ISYNA1: variants seen among roughly 807,000 people sequenced by gnomAD.
ISYNA1 encodes inositol-3-phosphate synthase 1.
ISYNA1 carries 34 observed loss-of-function variants against 50.3 expected under a neutral mutation model. That is an observed-to-expected ratio of 0.68 (90% CI 0.51 to 0.90). The LOEUF is 0.90. Ranked by LOEUF, ISYNA1 falls within the 40% of genes least tolerant of loss-of-function variation. ISYNA1 has a pLI of 0.00. For synonymous variants in ISYNA1, 396 were observed against 349.9 expected (o/e 1.13, Z -1.47); for missense variants, 718 against 784.8 (o/e 0.91, Z 1.02).
At position 18,434,791 on chromosome 19, in the gene ISYNA1, G is replaced by A. The variant is rs1334901368; in HGVS notation, c.*122C>T. The A allele has an allele frequency of 7.3e-6, 6 of 821,696 alleles. No individual in the cohort carries two copies. In the East Asian group the frequency reaches 7.4e-5, roughly 10 times the overall value. 50.9% of individuals were successfully genotyped at this position (821,696 alleles called of 1,614,324 possible). ...TAGAGGGAGGCAGAGTCAGGTCACA[G>A]GCCCCAAGAACCCCAGGTGGAAGGA... On this transcript the variant is annotated 3_prime_UTR_variant, in exon 11 of 11. Coordinates refer to ENST00000338128, the MANE Select transcript of ISYNA1 (RefSeq NM_016368.5).
rs1400594362 is a variant in ISYNA1 at position 18,434,451 on chromosome 19, C to T, written c.*462G>A. 1.0e-6 allele frequency: 1 copy of T among 997,682 alleles called. No homozygotes were observed. Among genetic ancestry groups the T allele is most frequent in the Non-Finnish European group, 1.4e-6 (1 of 736,468 alleles). 61.8% of individuals were successfully genotyped at this position (997,682 alleles called of 1,614,324 possible). ...GACGTTCTTTTCTGTATGGACCCTT[C>T]CTGCCATTTGTATTTTGTCCCAGAG... is the stretch of plus-strand genomic sequence containing the variant. On this transcript the variant is annotated 3_prime_UTR_variant, in exon 11 of 11. Coordinates refer to ENST00000338128, the MANE Select transcript of ISYNA1 (RefSeq NM_016368.5).
In ISYNA1 at chr19:18,435,059, G is replaced by GGC; in HGVS notation, c.1529_1530dup (p.Pro511AlafsTer19). The GGC allele has an allele frequency of 6.2e-7, 1 of 1,613,626 alleles. No homozygotes were observed. The highest frequency in any genetic ancestry group is 8.5e-7 in the Non-Finnish European group (1 of 1,180,000). On this transcript the variant is annotated frameshift_variant, in exon 11 of 11. Transcript: ENST00000338128. LOFTEE classifies it low-confidence loss of function (END_TRUNC). ...CCAACTCGCTTGAGGCTGGGCCCTGGGCGCTCCATTTTGTGTTCCAGGAGC... is the reference window on the plus strand; with the variant it reads ...CCAACTCGCTTGAGGCTGGGCCCTGGGCGCGCTCCATTTTGTGTTCCAGGAGC...
Position 18,438,100 on chromosome 19 carries a change from G to A in ISYNA1, c.-17C>T, listed in dbSNP as rs537821634. The A allele has an allele frequency of 4.5e-6, 5 of 1,102,578 alleles. No homozygotes were observed. Among genetic ancestry groups the A allele is most frequent in the Admixed American group, 7.3e-5 (2 of 27,368 alleles). The allele number at this position is 1,102,578 out of a possible 1,614,324, so 68.3% of individuals were successfully genotyped here. On this transcript the variant is annotated 5_prime_UTR_variant, in exon 1 of 11. Coordinates refer to ENST00000338128, the MANE Select transcript of ISYNA1 (RefSeq NM_016368.5). ...GCCCCGAACCGCACTCACCGGCGCAGAGTCGACTCAGGCAGCGGCGGCGGA... is the reference window on the plus strand; with the variant it reads ...GCCCCGAACCGCACTCACCGGCGCAAAGTCGACTCAGGCAGCGGCGGCGGA...
Position 18,435,058 on chromosome 19 carries a change from G to C in ISYNA1, c.1532C>G (p.Pro511Arg). 6.2e-7 allele frequency: 1 copy of C among 1,613,632 alleles called. No individual in the cohort carries two copies. Among genetic ancestry groups the C allele is most frequent in the Non-Finnish European group, 8.5e-7 (1 of 1,180,002 alleles). ...TCCAACTCGCTTGAGGCTGGGCCCT[G>C]GGCGCTCCATTTTGTGTTCCAGGAG... The part of the protein sequence containing the change: ...HMLLEHKMER[P>R]GPSLKRVGPV... The change falls in exon 11 of 11, where the codon CCA becomes CGA. Residue 511 changes from proline to arginine, a missense_variant. Pro to Arg is a moderately radical substitution (Grantham distance 103, BLOSUM62 -2). Around this residue, in one of 3 missense-constraint regions of ISYNA1, gnomAD observed 305 missense variants for 292.6 expected, o/e 1.04. Transcript: ENST00000338128.
chr19:18,434,877 G>A lies in ISYNA1; in HGVS notation c.*36C>T, dbSNP rs1270777907. The A allele has an allele frequency of 3.2e-6, 5 of 1,572,430 alleles. No homozygotes were observed. The highest frequency in any genetic ancestry group is 3.5e-6 in the Non-Finnish European group (4 of 1,144,950). ...TCAAGGTAGGGTCGTGGGGGGCAGC[G>A]GGGAGGAAGAGCCGAGAAACTGTGT... On this transcript the variant is annotated 3_prime_UTR_variant, in exon 11 of 11. Transcript: ENST00000338128.
chr19:18,435,760 G>T lies in ISYNA1; in HGVS notation c.1137C>A (p.His379Gln). The part of the protein sequence containing the change: ...VLYTPGEEPD[H>Q]CVVIKYVPYV... ...CCCGCGCCCGCGCCCCACGCACGCAGTGGTCAGGCTCTTCGCCGGGCGTAT... is the reference window on the plus strand; with the variant it reads ...CCCGCGCCCGCGCCCCACGCACGCATTGGTCAGGCTCTTCGCCGGGCGTAT... The change falls in exon 8 of 11, where the codon CAC becomes CAA. Residue 379 changes from histidine (H) to glutamine (Q), a missense_variant. This residue lies in a region of ISYNA1 where 305 missense variants were observed against 292.6 expected (regional missense o/e 1.04). Transcript: ENST00000338128. The T allele has an allele frequency of 1.2e-6, 2 of 1,612,928 alleles. No individual in the cohort carries two copies. The highest frequency in any genetic ancestry group is 1.7e-6 in the Non-Finnish European group (2 of 1,179,712).
rs149381559 is a variant in ISYNA1 at position 18,436,576 on chromosome 19, T to A, written c.610-97A>T. 66 of 1,596,248 alleles carry A rather than the reference T, an allele frequency of 4.1e-5. No individual in the cohort carries two copies. In the African/African-American group the frequency reaches 8.0e-4, roughly 19 times the overall value. On this transcript the variant is annotated intron_variant, in intron 5 of 10. Transcript: ENST00000338128. ...ACTCACAGAGGCCTGGGCTACTCAG[T>A]TCCCCGGGTGTCAAGTGAGGCCTGG...
In ISYNA1 at chr19:18,438,110, A is replaced by G. The variant is rs1287102207; in HGVS notation, c.-27T>C. ...GCACTCACCGGCGCAGAGTCGACTC[A>G]GGCAGCGGCGGCGGACAGCGCGGGC... On this transcript the variant is annotated 5_prime_UTR_variant, in exon 1 of 11. Transcript: ENST00000338128. The G allele has an allele frequency of 9.8e-7, 1 of 1,018,760 alleles. No homozygotes were observed. 63.1% of individuals were successfully genotyped at this position (1,018,760 alleles called of 1,614,324 possible).
Position 18,435,274 on chromosome 19 carries a change from G to A in ISYNA1, c.1464C>T (p.Asn488=). The A allele has an allele frequency of 6.2e-7, 1 of 1,605,528 alleles. No individual in the cohort carries two copies. Among genetic ancestry groups the A allele is most frequent in the Non-Finnish European group, 8.5e-7 (1 of 1,179,130 alleles). The stretch of plus-strand genomic sequence containing the variant: ...TGGAGGCTGGGGTGCACCTGAGGAT[G>A]TTCTCGATGCAGCTGCGCTGGCGGA... ...ALFRQRSCIE[N]ILRACVGLPP... is the part of the protein sequence containing the mutation. The change falls in exon 10 of 11, where the codon AAC becomes AAT. Residue 488 remains asparagine (N), a synonymous_variant. Coordinates refer to ENST00000338128, the MANE Select transcript of ISYNA1 (RefSeq NM_016368.5).
chr19:18,436,426 G>A lies in ISYNA1; in HGVS notation c.663C>T (p.Asp221=). The A allele has an allele frequency of 6.2e-7, 1 of 1,610,410 alleles. No homozygotes were observed. ...TCGCCGTCCACAGCACTATGACTTT[G>A]TCCAGCCCCGCGCTAGACCGGAAGT... is the stretch of plus-strand genomic sequence containing the variant. The part of the protein sequence containing the change: ...IRDFRSSAGL[D]KVIVLWTANT... The change falls in exon 6 of 11, where the codon GAC becomes GAT. Residue 221 remains aspartate, a synonymous_variant. Coordinates refer to ENST00000338128, the MANE Select transcript of ISYNA1 (RefSeq NM_016368.5).
rs1249800689 is a variant in ISYNA1, at chr19:18,437,665, G to C, written c.216C>G (p.Ser72=). The C allele has an allele frequency of 6.5e-7, 1 of 1,543,338 alleles. No homozygotes were observed. Among genetic ancestry groups the C allele is most frequent in the Non-Finnish European group, 8.7e-7 (1 of 1,148,040 alleles). Residue 72 remains serine (S), a synonymous_variant, in exon 3 of 11, where the codon TCC becomes TCG. Transcript: ENST00000338128. ...TGGCCAGCACCGCGGCGGTGAGTGT[G>C]GAGCCGTTGTTCCCGCCCCAGCCGA... ...MLVGWGGNNG[S]TLTAAVLANR...
intron 3 of ISYNA1, chr19:18,437,306 T>G (rs1031767599): frequency 1.4e-6 from 2 of 1,414,682 alleles, no homozygotes; most frequent in Non-Finnish European, 1.8e-6. Flanking sequence ...CCTGTAAGAC[T>G]CCCGAGGAGT....
intron 10 of ISYNA1, 59 bp downstream of exon 10, chr19:18,435,207 C>T (rs1452915832): frequency 6.3e-7 from 1 of 1,576,150 alleles, no homozygotes; most frequent in African/African-American, 1.6e-5. Context: ...AAGCCCTGTG[C>T]ATAGCTTAGC....
rs1259735138 is a variant in ISYNA1 at position 18,437,086 on chromosome 19, G to C, written c.302C>G (p.Ser101Trp). ...SGRKEANYYG[S>W]LTQAGTVSLG... ...GCTCACGGTGCCCGCCTGAGTCAGCGAGCCGTAGTAGTTGGCCTCCTGGGG... is the reference window on the plus strand; with the variant it reads ...GCTCACGGTGCCCGCCTGAGTCAGCCAGCCGTAGTAGTTGGCCTCCTGGGG... The change falls in exon 4 of 11, where the codon TCG becomes TGG. Residue 101 changes from serine (S) to tryptophan (W), a missense_variant. Physicochemically the swap from Ser to Trp is radical, Grantham distance 177. This residue lies in a region of ISYNA1 where 403 missense variants were observed against 466.6 expected (regional missense o/e 0.86). Transcript: ENST00000338128. The C allele has an allele frequency of 1.3e-6, 2 of 1,585,600 alleles. No homozygotes were observed. Among genetic ancestry groups the C allele is most frequent in the Non-Finnish European group, 1.7e-6 (2 of 1,168,160 alleles).
rs780874086 is a variant in ISYNA1 at position 18,437,579 on chromosome 19, C to T, written c.282+20G>A. ...ACTCCCACCAAGCCTCCCTACCCAC[C>T]ACGCCCCTCCCGCCCCCACCTTGCG... On this transcript the variant is annotated intron_variant, in intron 3 of 10. Transcript: ENST00000338128. 3.5e-6 allele frequency: 5 copies of T among 1,447,164 alleles called. No individual in the cohort carries two copies. The highest frequency in any genetic ancestry group is 4.5e-6 in the Non-Finnish European group (5 of 1,101,498). The allele number at this position is 1,447,164 out of a possible 1,614,324, so 89.6% of individuals were successfully genotyped here.
rs1358225008 is a variant in ISYNA1 at position 18,435,451 on chromosome 19, G to A, written c.1287C>T (p.Asp429=). Residue 429 remains aspartate, a synonymous_variant, in exon 10 of 11, where the codon GAC becomes GAT. Coordinates refer to ENST00000338128, the MANE Select transcript of ISYNA1 (RefSeq NM_016368.5). The part of the protein sequence containing the change: ...DSLLAAPIML[D]LALLTELCQR... ...GGCACAGCTCGGTCAGCAGCGCTAG[G>A]TCCAGCATGATGGGTGCGGCCAGCA... 1.9e-6 allele frequency: 3 copies of A among 1,609,640 alleles called. No homozygotes were observed. Among genetic ancestry groups the A allele is most frequent in the Admixed American group, 1.7e-5 (1 of 60,012 alleles).
chr19:18,436,177 T>A lies in ISYNA1; in HGVS notation c.830A>T (p.Asn277Ile), dbSNP rs140705791. 2 of 1,611,716 alleles carry A rather than the reference T, an allele frequency of 1.2e-6. No individual in the cohort carries two copies. The highest frequency in any genetic ancestry group is 1.7e-6 in the Non-Finnish European group (2 of 1,179,970). The part of the protein sequence containing the change: ...ASILEGCAFL[N>I]GSPQNTLVPG... The stretch of plus-strand genomic sequence containing the variant: ...CACCAGGGTGTTCTGCGGAGACCCA[T>A]TGAGGAAGGCACAGCCCTCCAGGAT... Residue 277 changes from asparagine to isoleucine, a missense_variant, in exon 7 of 11, where the codon AAT becomes ATT. Transcript: ENST00000338128.
At position 18,434,792 on chromosome 19, in the gene ISYNA1, G is replaced by A. The variant is rs1211183051; in HGVS notation, c.*121C>T. 1.6e-5 allele frequency: 13 copies of A among 827,514 alleles called. No homozygotes were observed. The East Asian group carries it at 2.7e-4, about 17-fold the overall frequency. 51.3% of individuals were successfully genotyped at this position (827,514 alleles called of 1,614,324 possible). On this transcript the variant is annotated 3_prime_UTR_variant, in exon 11 of 11. Coordinates refer to ENST00000338128, the MANE Select transcript of ISYNA1 (RefSeq NM_016368.5). ...AGAGGGAGGCAGAGTCAGGTCACAG[G>A]CCCCAAGAACCCCAGGTGGAAGGAG...
rs913964472 is a variant in ISYNA1, at chr19:18,434,482, G to A, written c.*431C>T. The A allele has an allele frequency of 2.4e-6, 2 of 834,282 alleles. No homozygotes were observed. The highest frequency in any genetic ancestry group is 1.7e-6 in the Non-Finnish European group (1 of 586,974). The allele number at this position is 834,282 out of a possible 1,614,324, so 51.7% of individuals were successfully genotyped here. A position where few individuals can be genotyped will look rare whatever the true frequency, so the allele number is the denominator to read the frequency against. On this transcript the variant is annotated 3_prime_UTR_variant, in exon 11 of 11. Transcript: ENST00000338128. ...ATTTGTATTTTGTCCCAGAGAGAAA[G>A]GCTCTTTGGGGGGCCCCTCTCCCCA...
Sources: gnomAD v4.1 joint callset for allele counts on GRCh38, gnomAD v4.1.1 for gene constraint, gnomAD v4.1.1 regional missense constraint, MANE v1.5 for transcripts, NCBI Gene and HGNC (gene_info 2026-07-23, HGNC 2026-07-21) for gene names.